The following KCNG3 variants were observed in gnomAD, a reference collection of about 807,000 sequenced individuals.
KCNG3 encodes the protein voltage-gated potassium channel regulatory subunit KCNG3.
A neutral mutation model predicts 29.0 loss-of-function variants in KCNG3; 15 were observed. The ratio of observed to expected loss-of-function variants is 0.52; its 90% confidence interval spans 0.35 to 0.80. The LOEUF (loss-of-function observed/expected upper bound fraction) is 0.80, where lower values mean the gene tolerates loss of function less well. Among genes scored for constraint, KCNG3 ranks in the 30% least tolerant of loss-of-function variants. KCNG3 has a pLI of 0.01. For synonymous variants in KCNG3, 322 were observed against 248.9 expected (o/e 1.29, Z -2.76); for missense variants, 512 against 605.7 (o/e 0.85, Z 1.62).
At chr2:42,458,760 C>A (rs538259490) in intron 1 of KCNG3, among the ~76,000 whole-genome samples, 1 of 151,490 alleles carries the variant, frequency 6.6e-6, no homozygotes, top group Admixed American at 6.6e-5. Flanking sequence ...GACTTTAAAA[C>A]CTCAGAAAGA....
Position 42,481,280 on chromosome 2 carries a change from G to A in KCNG3, c.665+11557C>T, listed in dbSNP as rs1673577106. 2.6e-5 allele frequency among the ~76,000 whole-genome samples: 4 copies of A among 152,102 alleles called. No individual in the cohort carries two copies. The South Asian group carries it at 8.3e-4, about 32-fold the overall frequency. ...CTGATTATAAGAATATCTTTACCCA[G>A]AAAAAGGGAAACCCTGACACCACAG... On this transcript the variant is annotated intron_variant, in intron 1 of 1. Coordinates refer to ENST00000306078, the MANE Select transcript of KCNG3 (RefSeq NM_133329.6).
At chr2:42,454,257 C>G (rs1032154529) in intron 1 of KCNG3, among the ~76,000 whole-genome samples, 1 of 151,990 alleles carries the variant, frequency 6.6e-6, no homozygotes. Flanking sequence ...GGGTATATAT[C>G]CAAAAAAATT....
At chr2:42,468,808 A>C (rs1673208892) in intron 1 of KCNG3, among the ~76,000 whole-genome samples, 1 of 151,814 alleles carries the variant, frequency 6.6e-6, no homozygotes, top group African/African-American at 2.4e-5. Context: ...CAAAAAAATT[A>C]GCTGGGCTTG....
chr2:42,421,835 G>A, the KCNG3 span, among the ~76,000 whole-genome samples: 9 of 152,314 alleles, frequency 5.9e-5, no homozygotes, highest in South Asian at 1.9e-3. Flanking sequence ...GCCCCACACA[G>A]TGGACAAATG....
At chr2:42,438,320 T>C (rs543302035), downstream of KCNG3, among the ~76,000 whole-genome samples, 1 of 152,300 alleles carries the variant, frequency 6.6e-6, no homozygotes, top group African/African-American at 2.4e-5. Context: ...ACTATAGAAT[T>C]ATTTCCAAAT....
At chr2:42,474,754 C>T (rs890005783) in intron 1 of KCNG3, among the ~76,000 whole-genome samples, 1 of 152,040 alleles carries the variant, frequency 6.6e-6, no homozygotes, top group East Asian at 1.9e-4. Context: ...GTTTTATGCA[C>T]TACATTGTAA....
In KCNG3 at chr2:42,443,326, A is replaced by T. The variant is rs1193854490; in HGVS notation, c.*608T>A. 6.6e-6 allele frequency: 1 copy of T among 152,656 alleles called. No individual in the cohort carries two copies. Among genetic ancestry groups the T allele is most frequent in the Non-Finnish European group, 1.5e-5 (1 of 68,048 alleles). 9.5% of individuals were successfully genotyped at this position (152,656 alleles called of 1,614,324 possible). On this transcript the variant is annotated 3_prime_UTR_variant, in exon 2 of 2. Coordinates refer to ENST00000306078, the MANE Select transcript of KCNG3 (RefSeq NM_133329.6). ...CAAGCTTCCATGAAGCGGCACGATAAGGTGAATAATTGGCACAAAAATAAA... is the reference window on the plus strand; with the variant it reads ...CAAGCTTCCATGAAGCGGCACGATATGGTGAATAATTGGCACAAAAATAAA...
chr2:42,474,761 G>A (rs1005725852), intron 1 of KCNG3, among the ~76,000 whole-genome samples: 7 of 151,856 alleles, frequency 4.6e-5, no homozygotes, highest in Non-Finnish European at 8.8e-5. Flanking sequence ...GCACTACATT[G>A]TAATTTTCAC....
At chr2:42,472,707 A>C (rs1465827617) in intron 1 of KCNG3, among the ~76,000 whole-genome samples, 2 of 151,584 alleles carry the variant, frequency 1.3e-5, no homozygotes, top group Non-Finnish European at 2.9e-5. Flanking sequence ...ACCACGTTGC[A>C]CAGGCTGGTC....
intron 1 of KCNG3, among the ~76,000 whole-genome samples, chr2:42,484,287 C>T (rs1673664233): frequency 6.6e-6 from 1 of 152,044 alleles, no homozygotes; most frequent in Admixed American, 6.6e-5. Flanking sequence ...CATGGTGAAA[C>T]TCCATCTCTA....
chr2:42,453,138 T>A lies in KCNG3; in HGVS notation c.666-8559A>T, dbSNP rs142159910. On this transcript the variant is annotated intron_variant, in intron 1 of 1. Transcript: ENST00000306078. Reference sequence around the variant, plus strand: ...TCCAAATCTTGGCTAACATGAATAGTGCTGTAACAAACATGGGAGTGAGTG... The same window carrying A: ...TCCAAATCTTGGCTAACATGAATAGAGCTGTAACAAACATGGGAGTGAGTG... 1.5e-4 allele frequency among the ~76,000 whole-genome samples: 23 copies of A among 152,318 alleles called. No homozygotes were observed. In the East Asian group the frequency reaches 4.4e-3, roughly 29 times the overall value.
chr2:42,492,724 G>T, intron 1 of KCNG3, 113 bp downstream of exon 1: 1 of 1,052,216 alleles, frequency 9.5e-7, no homozygotes. Context: ...CGCTGGGCGC[G>T]CACCCCGCTG....
chr2:42,480,983 G>A (rs1050907993), intron 1 of KCNG3, among the ~76,000 whole-genome samples: 1 of 152,120 alleles, frequency 6.6e-6, no homozygotes, highest in African/African-American at 2.4e-5. Flanking sequence ...GTTTCGCCAT[G>A]TTGGCCAAGC....
At chr2:42,399,505 A>G in the KCNG3 span, among the ~76,000 whole-genome samples, 1 of 152,180 alleles carries the variant, frequency 6.6e-6, no homozygotes, top group African/African-American at 2.4e-5. Context: ...CCAAAGTGAG[A>G]GTGAGGCTGG....
chr2:42,413,558 A>G, the KCNG3 span: 2 of 152,132 alleles, frequency 1.3e-5, no homozygotes, highest in East Asian at 3.9e-4. Context: ...CATATCACTT[A>G]CATTTTAAAC....
At chr2:42,454,146 T>C (rs1029017446) in intron 1 of KCNG3, among the ~76,000 whole-genome samples, 5 of 150,962 alleles carry the variant, frequency 3.3e-5, no homozygotes, top group African/African-American at 1.2e-4. Flanking sequence ...TGAGCACTGT[T>C]GGTAGGATTG....
rs369641165 is a variant in KCNG3 at position 42,444,021 on chromosome 2, G to A, written c.1224C>T (p.Ile408=). 1.2e-6 allele frequency: 2 copies of A among 1,614,044 alleles called. No individual in the cohort carries two copies. Among genetic ancestry groups the A allele is most frequent in the African/African-American group, 2.7e-5 (2 of 74,916 alleles). The change falls in exon 2 of 2, where the codon ATC becomes ATT. Residue 408 remains isoleucine, a synonymous_variant. Coordinates refer to ENST00000306078, the MANE Select transcript of KCNG3 (RefSeq NM_133329.6). This position sits in a 1 kb window ranked among gnomAD's most constrained non-coding sequence, Gnocchi z 5.8. ...IVLLALPITF[I]YHSFVQCYHE... is the part of the protein sequence containing the mutation. ...GATAACACTGCACAAAGCTATGGTA[G>A]ATAAAAGTGATAGGTAATGCCAATA...
At chr2:42,470,233 T>C in intron 1 of KCNG3, 1 of 422,910 alleles carries the variant, frequency 2.4e-6, no homozygotes, top group South Asian at 2.6e-5. Context: ...ATTGGAAATA[T>C]GAGTCATCTA....
intron 1 of KCNG3, among the ~76,000 whole-genome samples, chr2:42,476,780 A>C (rs1454261502): frequency 1.3e-5 from 2 of 150,826 alleles, no homozygotes; most frequent in Non-Finnish European, 3.0e-5. Context: ...GTGAGCCACC[A>C]TGCCCGGACA....
Sources: gnomAD v4.1 joint callset for allele counts (sites outside exome capture counted in the v4.1 genomes callset) on GRCh38, gnomAD v4.1.1 for gene constraint, Gnocchi (gnomAD v3.1) non-coding constraint, MANE v1.5 for transcripts, NCBI Gene and HGNC (gene_info 2026-07-23, HGNC 2026-07-21) for gene names.